Variants in MAGI2 observed in about 807,000 individuals in gnomAD.
The protein encoded by MAGI2 is membrane associated guanylate kinase, WW and PDZ domain containing 2.
MAGI2 carries 35 observed loss-of-function variants against 133.3 expected under a neutral mutation model. The ratio of observed to expected loss-of-function variants is 0.26; its 90% CI spans 0.20 to 0.35. The LOEUF is 0.35. Among genes scored for constraint, MAGI2 ranks in the 10% least tolerant of loss-of-function variants. The pLI, the probability that MAGI2 is intolerant of heterozygous loss-of-function variation, is 1.00. For missense variants in MAGI2, 1,636 were observed against 1,863.4 expected (o/e 0.88, Z 2.25); for synonymous variants, 729 against 710.6 (o/e 1.03, Z -0.41).
chr7:78,915,757 A>G (rs1454071393), intron 2 of MAGI2, among the ~76,000 whole-genome samples: 27 of 151,272 alleles, frequency 1.8e-4, no homozygotes. Flanking sequence ...CTTGTGCACC[A>G]TAGGTAGTAT....
chr7:78,153,426 A>G (rs551741230), intron 16 of MAGI2, among the ~76,000 whole-genome samples: 47 of 152,324 alleles, frequency 3.1e-4, no homozygotes, highest in African/African-American at 1.1e-3. Flanking sequence ...TGCTGCCATC[A>G]GCCTCATTCG....
intron 2 of MAGI2, among the ~76,000 whole-genome samples, chr7:78,923,634 T>C (rs1483732307): frequency 1.3e-5 from 2 of 152,194 alleles, no homozygotes; most frequent in African/African-American, 2.4e-5. Context: ...GCGTGATGCC[T>C]CTGGCTTTGT....
chr7:78,852,324 G>A (rs1231522990), intron 2 of MAGI2, among the ~76,000 whole-genome samples: 1 of 151,920 alleles, frequency 6.6e-6, no homozygotes, highest in African/African-American at 2.4e-5. Context: ...TCAACTATAT[G>A]TGTGACAGAT....
At chr7:78,417,016 T>G (rs896538168) in intron 6 of MAGI2, among the ~76,000 whole-genome samples, 3 of 152,096 alleles carry the variant, frequency 2.0e-5, no homozygotes, top group African/African-American at 7.2e-5. Context: ...AAGTGGTCAC[T>G]GAAAGCCTCC....
At chr7:78,449,563 T>C (rs867703638) in intron 6 of MAGI2, among the ~76,000 whole-genome samples, 4 of 152,094 alleles carry the variant, frequency 2.6e-5, no homozygotes, top group African/African-American at 4.8e-5. Context: ...ATTAGTTTAA[T>C]TGCTGCCTGT....
At chr7:78,699,200 T>A (rs1048887884) in intron 2 of MAGI2, among the ~76,000 whole-genome samples, 3 of 152,136 alleles carry the variant, frequency 2.0e-5, no homozygotes, top group South Asian at 2.1e-4. Flanking sequence ...ATCTCTGCCT[T>A]GCGGGCTCAA....
intron 2 of MAGI2, among the ~76,000 whole-genome samples, chr7:78,863,755 C>A (rs1272033146): frequency 6.6e-6 from 1 of 152,208 alleles, no homozygotes; most frequent in African/African-American, 2.4e-5. Flanking sequence ...GCCAGAGAGT[C>A]CTTTTGTGTA....
chr7:79,303,997 T>C (rs1449748324), intron 1 of MAGI2, among the ~76,000 whole-genome samples: 1 of 152,138 alleles, frequency 6.6e-6, no homozygotes, highest in African/African-American at 2.4e-5. Context: ...ACAAAATTGG[T>C]CCGGAAGATT....
At chr7:79,066,286 T>G (rs571608423) in intron 1 of MAGI2, among the ~76,000 whole-genome samples, 2 of 117,396 alleles carry the variant, frequency 1.7e-5, no homozygotes, top group South Asian at 2.3e-4. Flanking sequence ...CAGTGTGGTG[T>G]TTTTTTTTTT....
intron 9 of MAGI2, among the ~76,000 whole-genome samples, chr7:78,328,532 C>CCT (rs71085524): frequency 1.5e-5 from 2 of 133,704 alleles, no homozygotes; most frequent in Non-Finnish European, 3.2e-5. Flanking sequence ...CACACACACC[C>CCT]CTCTCTCTCT....
chr7:78,499,873 A>G (rs562281395), intron 5 of MAGI2, among the ~76,000 whole-genome samples: 16 of 152,294 alleles, frequency 1.1e-4, no homozygotes, highest in Non-Finnish European at 1.3e-4. Context: ...CTGGTCCGCA[A>G]TGATGTCATG....
intron 1 of MAGI2, among the ~76,000 whole-genome samples, chr7:79,331,954 A>G (rs1840107613): frequency 6.6e-6 from 1 of 152,062 alleles, no homozygotes; most frequent in Admixed American, 6.6e-5. Context: ...AATAAAAAAA[A>G]AAAGGAAAAA....
Position 79,276,978 on chromosome 7 carries a change from TA to T in MAGI2, c.301+176041del, listed in dbSNP as rs748994447. Reference sequence around the variant, plus strand: ...ACTCTGTCTAAAATAATAATAATAATAATATTAATAAAATATATAAACTTAG... The same window carrying T: ...ACTCTGTCTAAAATAATAATAATAATATATTAATAAAATATATAAACTTAG... On this transcript the variant is annotated intron_variant, in intron 1 of 21. Transcript: ENST00000354212. 1.5e-3 allele frequency among the ~76,000 whole-genome samples: 234 copies of T among 151,506 alleles called. 1 individual carries two copies. The highest frequency in any genetic ancestry group is 5.1e-3 in the Admixed American group (78 of 15,164).
intron 7 of MAGI2, chr7:78,351,906 A>G (rs911758912): frequency 1.3e-5 from 2 of 152,150 alleles, no homozygotes; most frequent in Non-Finnish European, 2.9e-5. Context: ...TATAATTATG[A>G]ACTCAGTCTC....
chr7:79,451,967 C>T (rs1179380840), intron 1 of MAGI2, among the ~76,000 whole-genome samples: 3 of 152,190 alleles, frequency 2.0e-5, no homozygotes, highest in Admixed American at 2.0e-4. Context: ...TCCTTCTGCA[C>T]CATAATTTTC....
intron 2 of MAGI2, among the ~76,000 whole-genome samples, chr7:78,986,414 C>G (rs1443323518): frequency 1.3e-5 from 2 of 151,998 alleles, no homozygotes; most frequent in Non-Finnish European, 2.9e-5. Flanking sequence ...AATACCATCC[C>G]TAGGAGATTA....
At chr7:78,867,589 C>A in intron 2 of MAGI2, among the ~76,000 whole-genome samples, 1 of 149,638 alleles carries the variant, frequency 6.7e-6, no homozygotes, top group Admixed American at 6.7e-5. Flanking sequence ...ATACCTAATG[C>A]TAGATGACAA....
At chr7:78,842,194 T>A (rs972673244) in intron 2 of MAGI2, among the ~76,000 whole-genome samples, 1 of 151,880 alleles carries the variant, frequency 6.6e-6, no homozygotes, top group African/African-American at 2.4e-5. Flanking sequence ...TCACAAAATT[T>A]CAGTTACTAT....
intron 16 of MAGI2, 199 bp downstream of exon 16, chr7:78,159,826 T>C: frequency 2.1e-6 from 1 of 486,902 alleles, no homozygotes; most frequent in African/African-American, 2.0e-5. Context: ...GTTGTGTTCT[T>C]GCCTTCTTCT....
Sources: gnomAD v4.1 joint callset for allele counts (sites outside exome capture counted in the v4.1 genomes callset) on GRCh38, gnomAD v4.1.1 for gene constraint, MANE v1.5 for transcripts, NCBI Gene and HGNC (gene_info 2026-07-23, HGNC 2026-07-21) for gene names.